BCR: variants seen among roughly 807,000 people sequenced by gnomAD.
BCR encodes BCR activator of RhoGEF and GTPase.
BCR carries 58 observed loss-of-function variants against 138.6 expected under a neutral mutation model. The ratio of observed to expected loss-of-function variants is 0.42; its 90% confidence interval spans 0.34 to 0.52. BCR has a LOEUF of 0.52. Among genes scored for constraint, BCR ranks in the 20% least tolerant of loss-of-function variants. The pLI is 0.06. For missense variants in BCR, 1,599 were observed against 1,727.2 expected, an observed-to-expected ratio of 0.93 and a Z score of 1.32; for synonymous variants, 786 against 730.1, an observed-to-expected ratio of 1.08 and a Z score of -1.23.
At position 23,295,084 on chromosome 22, in the gene BCR, TACA is replaced by T. The variant is rs779501894; in HGVS notation, c.2946_2948del (p.Asn982del). ...GAGGATACTGTGCTATGAAAAGTGT[TACA>T]ACAAGACGAAGATCCCCAAGGAGGA... On this transcript the variant is annotated inframe_deletion, in exon 16 of 23. Transcript: ENST00000305877. 3.7e-6 allele frequency: 6 copies of T among 1,614,000 alleles called. No individual in the cohort carries two copies. In the African/African-American group the frequency reaches 4.0e-5, roughly 11 times the overall value.
chr22:23,295,258 G>A, intron 16 of BCR, 103 bp downstream of exon 16: 1 of 1,232,514 alleles, frequency 8.1e-7, no homozygotes, highest in Non-Finnish European at 1.1e-6. Context: ...CCAGGGTGGG[G>A]TGGGGTGGGC....
intron 6 of BCR, among the ~76,000 whole-genome samples, chr22:23,272,515 C>T (rs754310724): frequency 3.3e-5 from 5 of 152,108 alleles, no homozygotes; most frequent in Non-Finnish European, 7.4e-5. Context: ...CCAGGGCTCC[C>T]ACCATGCCAG....
At chr22:23,213,219 G>C (rs1184784515) in intron 1 of BCR, among the ~76,000 whole-genome samples, 1 of 152,216 alleles carries the variant, frequency 6.6e-6, no homozygotes, top group East Asian at 1.9e-4. Context: ...ATGGCCCTGA[G>C]CTTGGCTGTC....
intron 8 of BCR, among the ~76,000 whole-genome samples, chr22:23,283,041 G>A (rs1193081109): frequency 1.3e-5 from 2 of 152,164 alleles, no homozygotes; most frequent in Admixed American, 6.5e-5. Flanking sequence ...CGATGTGCTC[G>A]TGCAGTGCGC....
At chr22:23,249,082 T>G (rs968741484) in intron 1 of BCR, among the ~76,000 whole-genome samples, 2 of 151,874 alleles carry the variant, frequency 1.3e-5, no homozygotes, top group African/African-American at 2.4e-5. Flanking sequence ...GGCCAGAGTT[T>G]AAGATCAGCC....
intron 13 of BCR, 198 bp downstream of exon 13, chr22:23,289,819 G>A: frequency 1.7e-6 from 1 of 594,644 alleles, no homozygotes; most frequent in Non-Finnish European, 3.0e-6. Flanking sequence ...CTCCCTGAGT[G>A]GCTGCTGCTG....
At chr22:23,187,233 T>A (rs537794272) in intron 1 of BCR, among the ~76,000 whole-genome samples, 3 of 152,098 alleles carry the variant, frequency 2.0e-5, no homozygotes, top group Non-Finnish European at 4.4e-5. Context: ...TTCATCCCTG[T>A]AGTTTACTTT....
At chr22:23,191,345 GTATT>G (rs2072411665) in intron 1 of BCR, among the ~76,000 whole-genome samples, 1 of 152,120 alleles carries the variant, frequency 6.6e-6, no homozygotes, top group Non-Finnish European at 1.5e-5. Context: ...TCGCTCAAAG[GTATT>G]TATTGAGCAT....
chr22:23,287,803 C>T (rs761652419), intron 11 of BCR, among the ~76,000 whole-genome samples: 2 of 152,208 alleles, frequency 1.3e-5, no homozygotes, highest in African/African-American at 2.4e-5. Context: ...CAACGTTCAC[C>T]TCTGCAGATC....
chr22:23,181,949 C>T lies in BCR; in HGVS notation c.989C>T (p.Pro330Leu). Residue 330 changes from proline (P) to leucine (L), a missense_variant, in exon 1 of 23, where the codon CCG (proline) becomes CTG (leucine). Coordinates refer to ENST00000305877, the MANE Select transcript of BCR (RefSeq NM_004327.4). ...SFEDCGGGYT[P>L]DCSSNENLTS... is the part of the protein sequence containing the mutation. ...GAGGATTGCGGAGGCGGCTATACCC[C>T]GGACTGCAGCTCCAATGAGAACCTC... The T allele has an allele frequency of 1.2e-6, 2 of 1,612,954 alleles. No homozygotes were observed. Among genetic ancestry groups the T allele is most frequent in the Non-Finnish European group, 1.7e-6 (2 of 1,179,894 alleles).
intron 1 of BCR, among the ~76,000 whole-genome samples, chr22:23,251,502 C>G (rs909112174): frequency 5.3e-5 from 8 of 152,322 alleles, no homozygotes; most frequent in African/African-American, 1.9e-4. Context: ...GCAAGGAAGC[C>G]GGAACTTCGG....
In BCR at chr22:23,315,425, C is replaced by G. The variant is rs200602091; in HGVS notation, c.3727-8C>G. 32 of 1,613,444 alleles carry G rather than the reference C, an allele frequency of 2.0e-5. 1 individual carries two copies. The highest frequency in any genetic ancestry group is 1.7e-4 in the Middle Eastern group (1 of 5,810). ...GCCACTCTTCTCTTCCCTACTCTGC[C>G]CGGGCAGGTCCAGGTGCTGCTGTAC... On this transcript the variant is annotated splice_region_variant and splice_polypyrimidine_tract_variant and intron_variant, in intron 22 of 22. Coordinates refer to ENST00000305877, the MANE Select transcript of BCR (RefSeq NM_004327.4).
At chr22:23,234,670 G>GTC (rs369752079) in intron 1 of BCR, among the ~76,000 whole-genome samples, 14 of 146,208 alleles carry the variant, frequency 9.6e-5, no homozygotes, top group South Asian at 2.2e-4. Context: ...TCTGGATGGG[G>GTC]AAGGTGTGAG....
At chr22:23,240,132 C>G (rs1028911673) in intron 1 of BCR, among the ~76,000 whole-genome samples, 4 of 152,006 alleles carry the variant, frequency 2.6e-5, no homozygotes, top group Non-Finnish European at 5.9e-5. Flanking sequence ...AGGACACAGT[C>G]ACATTGGATT....
chr22:23,186,837 A>G (rs2072349510), intron 1 of BCR, among the ~76,000 whole-genome samples: 1 of 152,102 alleles, frequency 6.6e-6, no homozygotes, highest in African/African-American at 2.4e-5. Flanking sequence ...TCAGGAGTTC[A>G]GGATTCTCCT....
At position 23,315,675 on chromosome 22, in the gene BCR, C is replaced by G; in HGVS notation, c.*153C>G. 1.3e-6 allele frequency: 1 copy of G among 788,856 alleles called. No homozygotes were observed. The highest frequency in any genetic ancestry group is 1.5e-5 in the South Asian group (1 of 68,608). The allele number at this position is 788,856 out of a possible 1,614,324, so 48.9% of individuals were successfully genotyped here. A position where few individuals can be genotyped will look rare whatever the true frequency, so the allele number is the denominator to read the frequency against. On this transcript the variant is annotated 3_prime_UTR_variant, in exon 23 of 23. Coordinates refer to ENST00000305877, the MANE Select transcript of BCR (RefSeq NM_004327.4). ...GAGACAGCGACCCAAAGCCGAAGGA[C>G]AGGTGGCCTGGAAAGATCCCGCCCA...
intron 8 of BCR, among the ~76,000 whole-genome samples, chr22:23,274,090 C>A (rs1208553415): frequency 1.3e-5 from 2 of 152,182 alleles, no homozygotes; most frequent in Non-Finnish European, 2.9e-5. Flanking sequence ...CCAGCTCAGG[C>A]TCCCCAGCCA....
At position 23,263,811 on chromosome 22, in the gene BCR, T is replaced by C. The variant is rs1602079394; in HGVS notation, c.1752+2271T>C. 2.4e-6 allele frequency: 3 copies of C among 1,253,664 alleles called. No individual in the cohort carries two copies. In the Admixed American group the frequency reaches 5.1e-5, roughly 21 times the overall value. 77.7% of individuals were successfully genotyped at this position (1,253,664 alleles called of 1,614,324 possible). ...GACGGCCAAGGTGTGGCCTTTGGCC[T>C]CAGGCCAGCTGGGGTAGTGTTTATA... On this transcript the variant is annotated intron_variant, in intron 4 of 22. Transcript: ENST00000305877.
chr22:23,259,476 G>C (rs1411516190), intron 2 of BCR, among the ~76,000 whole-genome samples: 3 of 151,944 alleles, frequency 2.0e-5, no homozygotes, highest in African/African-American at 7.3e-5. Flanking sequence ...AGACCAGCCT[G>C]GGCAACATGA....
Sources: allele counts gnomAD v4.1 joint callset (sites outside exome capture counted in the v4.1 genomes callset), GRCh38; gene constraint gnomAD v4.1.1; transcripts MANE v1.5; gene names NCBI Gene and HGNC (gene_info 2026-07-23, HGNC 2026-07-21).